The following PKHD1L1 variants were observed in gnomAD, a reference collection of about 807,000 sequenced individuals.
The protein encoded by PKHD1L1 is fibrocystin-L.
PKHD1L1 carries 434 observed loss-of-function variants against 462.9 expected under a neutral mutation model. That is an observed-to-expected ratio of 0.94 (90% CI 0.87 to 1.02). The LOEUF (loss-of-function observed/expected upper bound fraction) is 1.02, where lower values mean the gene tolerates loss of function less well. Among genes scored for constraint, PKHD1L1 ranks in the 50% least tolerant of loss-of-function variants. The pLI, the probability that PKHD1L1 is intolerant of heterozygous loss-of-function variation, is 0.00. For synonymous variants in PKHD1L1, 1,781 were observed against 1,750.0 expected, an observed-to-expected ratio of 1.02 and a Z score of -0.44; for missense variants, 5,202 against 5,096.1, an observed-to-expected ratio of 1.02 and a Z score of -0.63.
rs116149499 is a variant in PKHD1L1 at position 109,466,314 on chromosome 8, C to T, written c.8414-264C>T. On this transcript the variant is annotated intron_variant, in intron 49 of 77. Coordinates refer to ENST00000378402, the MANE Select transcript of PKHD1L1 (RefSeq NM_177531.6). ...GTGTCCTTGAATAGGCTACTCATCC[C>T]ACTTCCCATTTCCAAGTTTGACTCT... Among the ~76,000 whole-genome samples, 1,124 of 152,274 alleles carry T rather than the reference C, an allele frequency of 7.4e-3. 12 individuals carry two copies. The highest frequency in any genetic ancestry group is 0.025 in the African/African-American group (1,041 of 41,554).
chr8:109,461,819 A>G lies in PKHD1L1; in HGVS notation c.7294A>G (p.Ile2432Val), dbSNP rs549482690. The G allele has an allele frequency of 5.6e-6, 9 of 1,609,192 alleles. No individual in the cohort carries two copies. The highest frequency in any genetic ancestry group is 1.1e-5 in the South Asian group (1 of 89,798). The change falls in exon 48 of 78, where the codon ATA (isoleucine) becomes GTA (valine). Residue 2432 changes from isoleucine to valine, a missense_variant. Ile to Val is a conservative substitution (Grantham distance 29). Coordinates refer to ENST00000378402, the MANE Select transcript of PKHD1L1 (RefSeq NM_177531.6). ...TCLQGKFGEE[I>V]GSDQFGGCVM... is the part of the protein sequence containing the mutation. The stretch of plus-strand genomic sequence containing the variant: ...TCTCCAAGGAAAGTTTGGAGAAGAA[A>G]TAGGAAGTGACCAATTTGGAGGCTG...
Position 109,410,726 on chromosome 8 carries a change from C to CTTTTTTTTTTTTTT in PKHD1L1, c.2085+756_2085+769dup, listed in dbSNP as rs71303459. Reference sequence around the variant, plus strand: ...TTCTTTTTTCTTTTCTTTTCTTTTTCTTTTTTTTTTTTTTTTTTTTTGAGA... The same window carrying CTTTTTTTTTTTTTT: ...TTCTTTTTTCTTTTCTTTTCTTTTTCTTTTTTTTTTTTTTTTTTTTTTTTTTTTTTTTTTTGAGA... On this transcript the variant is annotated intron_variant, in intron 19 of 77. Transcript: ENST00000378402. Among the ~76,000 whole-genome samples the CTTTTTTTTTTTTTT allele has an allele frequency of 2.9e-4, 20 of 68,390 alleles. 1 individual carries two copies. The highest frequency in any genetic ancestry group is 9.8e-4 in the African/African-American group (12 of 12,266). 44.9% of individuals were successfully genotyped at this position (68,390 alleles called of 152,430 possible).
At chr8:109,416,148 G>A (rs12550601) in intron 21 of PKHD1L1, among the ~76,000 whole-genome samples, 45,179 of 151,886 alleles carry the variant, frequency 0.3, 7,309 homozygotes, top group Admixed American at 0.43. Context: ...TAATAAGGGC[G>A]TTAAGCTTTT....
chr8:109,512,863 T>G (rs1432783503), intron 71 of PKHD1L1, among the ~76,000 whole-genome samples: 2 of 150,904 alleles, frequency 1.3e-5, no homozygotes, highest in East Asian at 3.9e-4. Flanking sequence ...GTATCCTCTT[T>G]TATTTCCTTG....
intron 67 of PKHD1L1, among the ~76,000 whole-genome samples, chr8:109,500,562 T>G (rs1475973894): frequency 6.9e-6 from 1 of 143,940 alleles, no homozygotes; most frequent in Non-Finnish European, 1.5e-5. Context: ...TAATCCCAGC[T>G]ACTTGTAAGG....
chr8:109,418,464 A>T (rs1307464894), intron 21 of PKHD1L1, among the ~76,000 whole-genome samples: 1 of 152,186 alleles, frequency 6.6e-6, no homozygotes, highest in Non-Finnish European at 1.5e-5. Flanking sequence ...ATTTGAATGG[A>T]AATACTTATA....
At position 109,449,453 on chromosome 8, in the gene PKHD1L1, C is replaced by T. The variant is rs1415971948; in HGVS notation, c.6141C>T (p.Tyr2047=). The change falls in exon 40 of 78, where the codon TAC becomes TAT. Residue 2047 remains tyrosine, a synonymous_variant. Coordinates refer to ENST00000378402, the MANE Select transcript of PKHD1L1 (RefSeq NM_177531.6). ...CAATTGACAGGCTTAGATCTGATTA[C>T]ACAACACTATTATGTGAAATTCCAT... ...ECAIDRLRSD[Y]TTLLCEIPSN... 3.1e-6 allele frequency: 5 copies of T among 1,600,358 alleles called. No homozygotes were observed. In the African/African-American group the frequency reaches 5.3e-5, roughly 17 times the overall value.
rs1817902462 is a variant in PKHD1L1, at chr8:109,474,994, TATTTGCTAAACCAAC to T, written c.8606-108_8606-94del. The T allele has an allele frequency of 1.2e-5, 9 of 748,932 alleles. No homozygotes were observed. In the Middle Eastern group the frequency reaches 9.5e-4, roughly 79 times the overall value. 46.4% of individuals were successfully genotyped at this position (748,932 alleles called of 1,614,324 possible). A position where few individuals can be genotyped will look rare whatever the true frequency, so the allele number is the denominator to read the frequency against. On this transcript the variant is annotated intron_variant, in intron 50 of 77. Coordinates refer to ENST00000378402, the MANE Select transcript of PKHD1L1 (RefSeq NM_177531.6). ...TAAAGACTGTCATAGACTAAACCAA[TATTTGCTAAACCAAC>T]ATTTGCTAAACCAACCAAACTAAAC...
At chr8:109,392,305 A>G (rs1812748552) in intron 9 of PKHD1L1, among the ~76,000 whole-genome samples, 1 of 152,234 alleles carries the variant, frequency 6.6e-6, no homozygotes, top group Non-Finnish European at 1.5e-5. Flanking sequence ...TCTCAGAGAA[A>G]TAATTATCCA....
intron 23 of PKHD1L1, among the ~76,000 whole-genome samples, chr8:109,423,620 C>G (rs2130658059): frequency 6.6e-6 from 1 of 152,166 alleles, no homozygotes; most frequent in South Asian, 2.1e-4. Flanking sequence ...TGTGCCTTCC[C>G]ATATAAATTT....
At chr8:109,476,480 A>G (rs1326223299) in intron 51 of PKHD1L1, 28 bp from the exon 52 acceptor site, 15 of 1,341,564 alleles carry the variant, frequency 1.1e-5, no homozygotes, top group Non-Finnish European at 1.5e-5. Context: ...TTAACATACA[A>G]GTCACATTTT....
At position 109,452,731 on chromosome 8, in the gene PKHD1L1, T is replaced by C. The variant is rs1189800374; in HGVS notation, c.6521T>C (p.Phe2174Ser). The C allele has an allele frequency of 3.3e-6, 5 of 1,531,896 alleles. No individual in the cohort carries two copies. The highest frequency in any genetic ancestry group is 4.4e-6 in the Non-Finnish European group (5 of 1,142,436). 94.9% of individuals were successfully genotyped at this position (1,531,896 alleles called of 1,614,324 possible). A position where few individuals can be genotyped will look rare whatever the true frequency, so the allele number is the denominator to read the frequency against. The change falls in exon 43 of 78, where the codon TTT becomes TCT. Residue 2174 changes from phenylalanine to serine, a missense_variant. Phe to Ser is a radical substitution (Grantham distance 155). This residue lies in a region of PKHD1L1 where 4,497 missense variants were observed against 4,336.8 expected (regional missense o/e 1.04). Transcript: ENST00000378402. ...GTTCTATTACAGGATAATGCTGACT[T>C]TCTTTATGTTGATGCCTGGTCCTCC... ...VGMAKLDNAD[F>S]LYVDAWSSNF...
intron 9 of PKHD1L1, among the ~76,000 whole-genome samples, chr8:109,394,000 C>T (rs981148495): frequency 2.0e-5 from 3 of 151,598 alleles, no homozygotes; most frequent in Non-Finnish European, 4.4e-5. Flanking sequence ...AGTGAAACCC[C>T]GTCTCTACTA....
intron 59 of PKHD1L1, among the ~76,000 whole-genome samples, chr8:109,487,944 A>AAAGAAGGAAG (rs1563600685): frequency 8.1e-5 from 3 of 36,844 alleles, no homozygotes; most frequent in Admixed American, 4.3e-4. Context: ...AAGGAAGGAA[A>AAAGAAGGAAG]GAAGGAAGGA....
At chr8:109,493,142 G>T (rs1818914890) in intron 62 of PKHD1L1, among the ~76,000 whole-genome samples, 1 of 149,704 alleles carries the variant, frequency 6.7e-6, no homozygotes, top group Admixed American at 6.7e-5. Flanking sequence ...GATCTACCTG[G>T]GCAACATAGC....
At chr8:109,443,177 C>A in intron 36 of PKHD1L1, 61 bp downstream of exon 36, 1 of 1,516,870 alleles carries the variant, frequency 6.6e-7, no homozygotes. Context: ...TGTGATATTT[C>A]TGGAGCCGGT....
intron 2 of PKHD1L1, among the ~76,000 whole-genome samples, chr8:109,372,586 T>C (rs1811572395): frequency 6.6e-6 from 1 of 152,198 alleles, no homozygotes; most frequent in East Asian, 1.9e-4. Context: ...TTGTGCCAGT[T>C]TTCAAAGGGA....
At position 109,415,900 on chromosome 8, in the gene PKHD1L1, T is replaced by A. The variant is rs1167886112; in HGVS notation, c.2360+2355T>A. ...GTGTGTGTGTGTGTGTGTGTGTGTG[T>A]GTGTGTAGGAAATCATAGTCTTCCG... On this transcript the variant is annotated intron_variant, in intron 21 of 77. Coordinates refer to ENST00000378402, the MANE Select transcript of PKHD1L1 (RefSeq NM_177531.6). Among the ~76,000 whole-genome samples the A allele has an allele frequency of 5.3e-5, 8 of 150,056 alleles. No individual in the cohort carries two copies. The South Asian group carries it at 8.4e-4, about 16-fold the overall frequency.
At chr8:109,384,533 A>G (rs1286433093) in intron 5 of PKHD1L1, among the ~76,000 whole-genome samples, 1 of 152,172 alleles carries the variant, frequency 6.6e-6, no homozygotes, top group Non-Finnish European at 1.5e-5. Context: ...TATCTGAAAA[A>G]AAAGAAAAAA....
Sources: gnomAD v4.1 joint callset for allele counts (sites outside exome capture counted in the v4.1 genomes callset) on GRCh38, gnomAD v4.1.1 for gene constraint, gnomAD v4.1.1 regional missense constraint, MANE v1.5 for transcripts, NCBI Gene and HGNC (gene_info 2026-07-23, HGNC 2026-07-21) for gene names.